STAC: variants seen among roughly 807,000 people sequenced by gnomAD.
The protein encoded by STAC is SH3 and cysteine-rich domain-containing protein.
In STAC, 43 loss-of-function variants were observed where a neutral mutation model predicts 48.8. That is an observed-to-expected ratio of 0.88 (90% CI 0.69 to 1.14). The LOEUF (loss-of-function observed/expected upper bound fraction) is 1.14, where lower values mean the gene tolerates loss of function less well. STAC is among the 50% of genes most tolerant of loss of function. The pLI, the probability that STAC is intolerant of heterozygous loss-of-function variation, is 0.00. For missense variants in STAC, 497 were observed against 504.0 expected, an observed-to-expected ratio of 0.99 and a Z score of 0.13; for synonymous variants, 193 against 179.5, an observed-to-expected ratio of 1.07 and a Z score of -0.60.
At chr3:36,403,792 T>C (rs896943989) in intron 1 of STAC, among the ~76,000 whole-genome samples, 28 of 152,148 alleles carry the variant, frequency 1.8e-4, no homozygotes, top group African/African-American at 6.5e-4. Context: ...AAGGGTGCCA[T>C]GGTTTCAGAT....
chr3:36,464,658 A>G (rs1183440212), intron 2 of STAC, among the ~76,000 whole-genome samples: 1 of 152,104 alleles, frequency 6.6e-6, no homozygotes, highest in Non-Finnish European at 1.5e-5. Flanking sequence ...TTCAAAGCTT[A>G]GCTCCCACAT....
chr3:36,429,037 G>A (rs1700629670), intron 1 of STAC, among the ~76,000 whole-genome samples: 2 of 152,216 alleles, frequency 1.3e-5, no homozygotes, highest in South Asian at 4.2e-4. Flanking sequence ...TGATAACAGA[G>A]GTAGTATGAA....
intron 2 of STAC, among the ~76,000 whole-genome samples, chr3:36,474,355 C>T (rs1697433307): frequency 6.6e-6 from 1 of 152,228 alleles, no homozygotes; most frequent in Non-Finnish European, 1.5e-5. Context: ...CTACTTCTCT[C>T]TCAACTTCAT....
intron 10 of STAC, 153 bp downstream of exon 10, chr3:36,529,138 T>C (rs1699007887): frequency 4.8e-6 from 4 of 827,406 alleles, no homozygotes; most frequent in Non-Finnish European, 6.8e-6. Flanking sequence ...GTCAGTGTTG[T>C]AGGAGCTAAA....
In STAC at chr3:36,481,703, T is replaced by C. The variant is rs578208834; in HGVS notation, c.389-1289T>C. Among the ~76,000 whole-genome samples the C allele has an allele frequency of 3.3e-5, 5 of 152,366 alleles. No homozygotes were observed. In the South Asian group the frequency reaches 1.0e-3, roughly 32 times the overall value. On this transcript the variant is annotated intron_variant, in intron 2 of 10. Coordinates refer to ENST00000273183, the MANE Select transcript of STAC (RefSeq NM_003149.3). The stretch of plus-strand genomic sequence containing the variant: ...CATGAGAATCACATACTTGTTGGAC[T>C]CACCAACCCTTTTCCTAACAATCTT...
Position 36,466,566 on chromosome 3 carries a change from T to A in STAC, c.389-16426T>A, listed in dbSNP as rs546325168. Among the ~76,000 whole-genome samples the A allele has an allele frequency of 3.3e-5, 5 of 152,312 alleles. No homozygotes were observed. The South Asian group carries it at 6.2e-4, about 19-fold the overall frequency. The stretch of plus-strand genomic sequence containing the variant: ...TGTGTTTCCATTTGTTTGTGTCATC[T>A]ATGATTTCTTTCAGCAGTGCTTTGT... On this transcript the variant is annotated intron_variant, in intron 2 of 10. Coordinates refer to ENST00000273183, the MANE Select transcript of STAC (RefSeq NM_003149.3).
intron 6 of STAC, among the ~76,000 whole-genome samples, chr3:36,501,445 C>A (rs1299612843): frequency 6.7e-6 from 1 of 149,026 alleles, no homozygotes; most frequent in African/African-American, 2.5e-5. Flanking sequence ...AGAGATGAAA[C>A]AAAAATAAAT....
At position 36,418,651 on chromosome 3, in the gene STAC, T is replaced by C. The variant is rs186749029; in HGVS notation, c.112-24713T>C. Reference sequence around the variant, plus strand: ...AATATTATAAGTTCAATTGTTCATATATTTTATACTTTCTTTTACAGTGTG... The same window carrying C: ...AATATTATAAGTTCAATTGTTCATACATTTTATACTTTCTTTTACAGTGTG... On this transcript the variant is annotated intron_variant, in intron 1 of 10. Transcript: ENST00000273183. 3.3e-5 allele frequency among the ~76,000 whole-genome samples: 5 copies of C among 151,952 alleles called. No homozygotes were observed. In the East Asian group the frequency reaches 7.7e-4, roughly 23 times the overall value.
At chr3:36,396,255 T>G (rs1460194052) in intron 1 of STAC, among the ~76,000 whole-genome samples, 3 of 152,168 alleles carry the variant, frequency 2.0e-5, no homozygotes, top group Non-Finnish European at 4.4e-5. Context: ...GAAAAATTAA[T>G]TATAAATTGG....
chr3:36,463,316 C>T (rs753032547), intron 2 of STAC, among the ~76,000 whole-genome samples: 1 of 151,950 alleles, frequency 6.6e-6, no homozygotes, highest in Non-Finnish European at 1.5e-5. Flanking sequence ...TAATTTCATC[C>T]TCAGTCATTA....
At chr3:36,448,485 T>C (rs1470633470) in intron 2 of STAC, among the ~76,000 whole-genome samples, 3 of 152,096 alleles carry the variant, frequency 2.0e-5, no homozygotes, top group Non-Finnish European at 2.9e-5. Flanking sequence ...CCTCCCACAG[T>C]GCTTGAATTA....
At chr3:36,451,238 G>A (rs982190587) in intron 2 of STAC, among the ~76,000 whole-genome samples, 2 of 151,874 alleles carry the variant, frequency 1.3e-5, no homozygotes, top group Non-Finnish European at 2.9e-5. Context: ...AATTACCTCT[G>A]AGAGTTTCAA....
intron 1 of STAC, among the ~76,000 whole-genome samples, chr3:36,381,382 G>A (rs917814703): frequency 2.6e-5 from 4 of 152,228 alleles, no homozygotes; most frequent in Non-Finnish European, 5.9e-5. Context: ...CAGTTCTCCT[G>A]TCACTGTTAC....
chr3:36,403,631 A>G (rs979466872), intron 1 of STAC, among the ~76,000 whole-genome samples: 6 of 152,216 alleles, frequency 3.9e-5, no homozygotes, highest in Admixed American at 6.5e-5. Context: ...GAAAAATAAA[A>G]TGGAAAGAAT....
chr3:36,536,864 A>C (rs1227738110), intron 10 of STAC, among the ~76,000 whole-genome samples: 3 of 149,770 alleles, frequency 2.0e-5, no homozygotes, highest in African/African-American at 7.3e-5. Flanking sequence ...AAAAAAAAAA[A>C]ACCCCAATAA....
chr3:36,478,205 A>G (rs1258288328), intron 2 of STAC, among the ~76,000 whole-genome samples: 1 of 152,170 alleles, frequency 6.6e-6, no homozygotes, highest in Non-Finnish European at 1.5e-5. Context: ...CACCTTCCAC[A>G]AAGAGTCATA....
chr3:36,530,593 C>CTTTTTTTTTTTTTTTTTTTTTTTT (rs577222686), intron 10 of STAC, among the ~76,000 whole-genome samples: 2 of 72,018 alleles, frequency 2.8e-5, no homozygotes, highest in African/African-American at 6.1e-5. Flanking sequence ...TTTTTTTTTT[C>CTTTTTTTTTTTTTTTTTTTTTTTT]TTTTTTTTTT....
At position 36,380,637 on chromosome 3, in the gene STAC, G is replaced by A. The variant is rs1204768579; in HGVS notation, c.-7G>A. 5.1e-6 allele frequency: 8 copies of A among 1,580,182 alleles called. No individual in the cohort carries two copies. Among genetic ancestry groups the A allele is most frequent in the Non-Finnish European group, 6.0e-6 (7 of 1,162,280 alleles). ...CGGGAGCCCAACACCGTTCCCGCGCGGCCACGATGATCCCTCCGAGCAGCC... is the reference window on the plus strand; with the variant it reads ...CGGGAGCCCAACACCGTTCCCGCGCAGCCACGATGATCCCTCCGAGCAGCC... On this transcript the variant is annotated 5_prime_UTR_variant, in exon 1 of 11. Coordinates refer to ENST00000273183, the MANE Select transcript of STAC (RefSeq NM_003149.3).
intron 2 of STAC, among the ~76,000 whole-genome samples, chr3:36,458,571 C>T (rs1170028514): frequency 6.6e-6 from 1 of 152,140 alleles, no homozygotes; most frequent in African/African-American, 2.4e-5. Flanking sequence ...TTAATTCCAG[C>T]TCTGCGTGAA....
Sources: allele counts gnomAD v4.1 joint callset (sites outside exome capture counted in the v4.1 genomes callset), GRCh38; gene constraint gnomAD v4.1.1; transcripts MANE v1.5; gene names NCBI Gene and HGNC (gene_info 2026-07-23, HGNC 2026-07-21).